Variants in RFTN2 observed in about 807,000 individuals in gnomAD.
RFTN2 encodes raftlin family member 2.
RFTN2 carries 34 observed loss-of-function variants against 52.7 expected under a neutral mutation model. The ratio of observed to expected loss-of-function variants is 0.64; its 90% CI spans 0.49 to 0.86. The LOEUF (loss-of-function observed/expected upper bound fraction) is 0.86. Among genes scored for constraint, RFTN2 ranks in the 40% least tolerant of loss-of-function variants. The probability of loss-of-function intolerance (pLI) is 0.00; values close to 1 mark genes in which losing one functional copy is unlikely to be tolerated. For synonymous variants in RFTN2, 203 were observed against 217.7 expected (o/e 0.93, Z 0.59); for missense variants, 536 against 600.1 (o/e 0.89, Z 1.12).
At position 197,570,299 on chromosome 2, in the gene RFTN2, C is replaced by T. The variant is rs992153000; in HGVS notation, c.*1709G>A. ...AGACTGAGAAGAATATTCTTAAATT[C>T]CTTTATACTGTACTTCTGGATGATA... On this transcript the variant is annotated 3_prime_UTR_variant, in exon 9 of 9. Transcript: ENST00000295049. The T allele has an allele frequency of 1.3e-5, 2 of 152,128 alleles. No homozygotes were observed. Among genetic ancestry groups the T allele is most frequent in the African/African-American group, 2.4e-5 (1 of 41,418 alleles). The allele number at this position is 152,128 out of a possible 1,614,324, so 9.4% of individuals were successfully genotyped here. A position where few individuals can be genotyped will look rare whatever the true frequency, so the allele number is the denominator to read the frequency against.
At chr2:197,615,118 G>A (rs1183782584) in intron 7 of RFTN2, among the ~76,000 whole-genome samples, 4 of 152,206 alleles carry the variant, frequency 2.6e-5, no homozygotes, top group South Asian at 2.1e-4. Context: ...TTGCTAAACC[G>A]GGAAGGCCAG....
intron 8 of RFTN2, among the ~76,000 whole-genome samples, chr2:197,588,516 C>T (rs1050491999): frequency 1.3e-5 from 2 of 152,156 alleles, no homozygotes; most frequent in African/African-American, 4.8e-5. Flanking sequence ...ATGCCCAGTC[C>T]TTTTTATTTC....
Position 197,583,552 on chromosome 2 carries a change from C to T in RFTN2, c.1234-11272G>A, listed in dbSNP as rs533909215. Reference sequence around the variant, plus strand: ...TCCTCAGTCTTCAGGAAAGGTAGAACGGACTAATGGTCTTTTAAAGACACA... The same window carrying T: ...TCCTCAGTCTTCAGGAAAGGTAGAATGGACTAATGGTCTTTTAAAGACACA... On this transcript the variant is annotated intron_variant, in intron 8 of 8. Coordinates refer to ENST00000295049, the MANE Select transcript of RFTN2 (RefSeq NM_144629.3). Among the ~76,000 whole-genome samples, 145 of 152,056 alleles carry T rather than the reference C, an allele frequency of 9.5e-4. 1 individual carries two copies. The highest frequency in any genetic ancestry group is 3.3e-3 in the African/African-American group (135 of 41,468).
At chr2:197,581,054 G>A (rs961546319) in intron 8 of RFTN2, among the ~76,000 whole-genome samples, 2 of 151,910 alleles carry the variant, frequency 1.3e-5, no homozygotes, top group African/African-American at 2.4e-5. Context: ...TCACACACTT[G>A]TTACTATCCC....
At chr2:197,644,403 G>A in intron 2 of RFTN2, 131 bp from the exon 3 acceptor site, 3 of 519,834 alleles carry the variant, frequency 5.8e-6, no homozygotes, top group Non-Finnish European at 6.9e-6. Context: ...CAAACCTGAT[G>A]GCTATCTTCT....
chr2:197,589,525 G>GAGGA (rs2087662642), intron 8 of RFTN2, among the ~76,000 whole-genome samples: 1 of 152,052 alleles, frequency 6.6e-6, no homozygotes, highest in African/African-American at 2.4e-5. Flanking sequence ...CCCAGTTCTT[G>GAGGA]GTATTGTCAG....
chr2:197,590,600 T>A (rs1485792048), intron 8 of RFTN2, among the ~76,000 whole-genome samples: 1 of 152,194 alleles, frequency 6.6e-6, no homozygotes, highest in African/African-American at 2.4e-5. Context: ...AGCCACGGAC[T>A]CTCACGGTGA....
intron 5 of RFTN2, 83 bp from the exon 6 acceptor site, chr2:197,618,004 T>C: frequency 1.8e-6 from 2 of 1,111,884 alleles, no homozygotes; most frequent in Non-Finnish European, 2.4e-6. Flanking sequence ...ATAACTCATA[T>C]AGGAAACTGA....
chr2:197,617,930 A>C lies in RFTN2; in HGVS notation c.929-9T>G. The C allele has an allele frequency of 6.3e-7, 1 of 1,593,468 alleles. No homozygotes were observed. Among genetic ancestry groups the C allele is most frequent in the Non-Finnish European group, 8.6e-7 (1 of 1,169,322 alleles). Reference sequence around the variant, plus strand: ...TTTAGGCAAATGTTCCCCTGTGAGGAAGAGGGTACAATTAAGAAGGGTTGT... The same window carrying C: ...TTTAGGCAAATGTTCCCCTGTGAGGCAGAGGGTACAATTAAGAAGGGTTGT... On this transcript the variant is annotated splice_polypyrimidine_tract_variant and intron_variant, in intron 5 of 8. Transcript: ENST00000295049.
chr2:197,670,303 C>T (rs1036972251), intron 1 of RFTN2, among the ~76,000 whole-genome samples: 11 of 152,140 alleles, frequency 7.2e-5, no homozygotes, highest in Middle Eastern at 3.4e-3. Context: ...TTTGGAGTTC[C>T]GGGTTGTTTA....
At chr2:197,652,607 A>C (rs906310999) in intron 1 of RFTN2, among the ~76,000 whole-genome samples, 1 of 152,218 alleles carries the variant, frequency 6.6e-6, no homozygotes, top group Admixed American at 6.5e-5. Context: ...AAAATTACTG[A>C]AAGAAAATAG....
At chr2:197,618,742 C>T (rs1286211331) in intron 5 of RFTN2, among the ~76,000 whole-genome samples, 1 of 151,578 alleles carries the variant, frequency 6.6e-6, no homozygotes, top group East Asian at 2.0e-4. Flanking sequence ...CCTGCCGCCC[C>T]GTCCGGGATG....
intron 8 of RFTN2, among the ~76,000 whole-genome samples, chr2:197,589,453 T>C (rs982621431): frequency 6.6e-6 from 1 of 152,118 alleles, no homozygotes; most frequent in Non-Finnish European, 1.5e-5. Flanking sequence ...ACTAATACAG[T>C]GGATATACCA....
chr2:197,633,885 A>G lies in RFTN2; in HGVS notation c.551T>C (p.Leu184Pro). 9.3e-6 allele frequency: 15 copies of G among 1,613,956 alleles called. No homozygotes were observed. The highest frequency in any genetic ancestry group is 1.3e-5 in the Non-Finnish European group (15 of 1,179,892). ...TNHDGDIESM[L>P]HVRHGSDENC... ...TTCATCTGAACCGTGTCTCACATGT[A>G]GCATCGATTCTATATCTCCATCATG... Residue 184 changes from leucine (L) to proline (P), a missense_variant, in exon 4 of 9, where the codon CTA becomes CCA. By Grantham distance (98) the Leu-to-Pro change is moderately conservative. Transcript: ENST00000295049.
intron 8 of RFTN2, among the ~76,000 whole-genome samples, chr2:197,594,361 T>A (rs1327005608): frequency 1.3e-5 from 2 of 151,964 alleles, no homozygotes; most frequent in Non-Finnish European, 2.9e-5. Flanking sequence ...AGGGTCTCAC[T>A]CCGTCACCCA....
chr2:197,619,377 TTTTCA>T (rs1485316827), intron 5 of RFTN2, among the ~76,000 whole-genome samples: 3 of 152,336 alleles, frequency 2.0e-5, no homozygotes, highest in South Asian at 2.1e-4. Context: ...CATGGGAGAC[TTTTCA>T]TTTTGTTCTG....
At chr2:197,633,212 G>A (rs1188934481) in intron 4 of RFTN2, among the ~76,000 whole-genome samples, 1 of 152,184 alleles carries the variant, frequency 6.6e-6, no homozygotes, top group Admixed American at 6.6e-5. Context: ...GTTATTTTAG[G>A]ATGCAGGCAC....
At chr2:197,625,727 C>CT (rs2088347880) in intron 5 of RFTN2, among the ~76,000 whole-genome samples, 7 of 81,076 alleles carry the variant, frequency 8.6e-5, no homozygotes, top group African/African-American at 1.3e-4. Context: ...TCCTCCCCTC[C>CT]CTTCCCCTCC....
At chr2:197,665,776 A>ACTGATATGT (rs113854494) in intron 1 of RFTN2, among the ~76,000 whole-genome samples, 28,282 of 151,638 alleles carry the variant, frequency 0.19, 2,737 homozygotes, top group Middle Eastern at 0.27. Flanking sequence ...CAAGGTTATT[A>ACTGATATGT]CTGATATGTG....
Sources: allele counts gnomAD v4.1 joint callset (sites outside exome capture counted in the v4.1 genomes callset), GRCh38; gene constraint gnomAD v4.1.1; transcripts MANE v1.5; gene names NCBI Gene and HGNC (gene_info 2026-07-23, HGNC 2026-07-21).